The following STAG1 variants were observed in gnomAD, a reference collection of about 807,000 sequenced individuals.
The protein encoded by STAG1 is cohesin subunit SA-1.
STAG1 carries 26 observed loss-of-function variants against 170.9 expected under a neutral mutation model. The ratio of observed to expected loss-of-function variants is 0.15; its 90% confidence interval spans 0.11 to 0.21. The LOEUF (loss-of-function observed/expected upper bound fraction) is 0.21. STAG1 is among the 10% of genes least tolerant of loss of function. The pLI is 1.00. For missense variants in STAG1, 964 were observed against 1,509.5 expected, an observed-to-expected ratio of 0.64 and a Z score of 5.99; for synonymous variants, 514 against 497.7, an observed-to-expected ratio of 1.03 and a Z score of -0.44.
At chr3:136,598,717 G>A (rs1229636228) in intron 4 of STAG1, among the ~76,000 whole-genome samples, 6 of 151,876 alleles carry the variant, frequency 4.0e-5, no homozygotes, top group South Asian at 4.2e-4. Flanking sequence ...GTGAGCCACC[G>A]CGCCCGGCCA....
chr3:136,698,020 G>GAA (rs1367794691), intron 1 of STAG1, among the ~76,000 whole-genome samples: 1 of 144,824 alleles, frequency 6.9e-6, no homozygotes, highest in Non-Finnish European at 1.5e-5. Context: ...TACGTCTTGG[G>GAA]AAAAAAAAAA....
chr3:136,399,930 C>CT lies in STAG1; in HGVS notation c.2197-1102dup, dbSNP rs1187210863. The stretch of plus-strand genomic sequence containing the variant: ...AACTTTCTGAAAAGAAACAAACTTT[C>CT]TTTTTTTTTTGAGACAGGGTCTCAC... On this transcript the variant is annotated intron_variant, in intron 21 of 33. Transcript: ENST00000383202. Among the ~76,000 whole-genome samples, 18 of 149,108 alleles carry CT rather than the reference C, an allele frequency of 1.2e-4. 1 individual carries two copies. The highest frequency in any genetic ancestry group is 6.4e-4 in the South Asian group (3 of 4,676).
In STAG1 at chr3:136,443,295, C is replaced by A; in HGVS notation, c.1538G>T (p.Gly513Val). 6.2e-7 allele frequency: 1 copy of A among 1,608,240 alleles called. No homozygotes were observed. The highest frequency in any genetic ancestry group is 1.3e-5 in the African/African-American group (1 of 74,880). Residue 513 changes from glycine to valine, a missense_variant, in exon 15 of 34, where the codon GGA becomes GTA. By Grantham distance (109) the Gly-to-Val change is moderately radical. Transcript: ENST00000383202. Reference sequence around the variant, plus strand: ...TTGTCAAAATACTATACCTTCCTCTCCTTGAACAGGTTCTTCTAATAGCAA... The same window carrying A: ...TTGTCAAAATACTATACCTTCCTCTACTTGAACAGGTTCTTCTAATAGCAA... ...TELLLEEPVQ[G>V]EEAMSDRQES... is the part of the protein sequence containing the mutation.
chr3:136,629,452 A>G (rs367880601), intron 2 of STAG1, among the ~76,000 whole-genome samples: 1 of 152,098 alleles, frequency 6.6e-6, no homozygotes, highest in East Asian at 1.9e-4. Flanking sequence ...CCAAACTTAA[A>G]TATCATATAA....
At chr3:136,479,060 C>CTTTTTTTTTTTTTTTTTTTTTTTT (rs66966875) in intron 9 of STAG1, among the ~76,000 whole-genome samples, 2 of 125,188 alleles carry the variant, frequency 1.6e-5, no homozygotes, top group Admixed American at 7.7e-5. Context: ...TATAATCTTT[C>CTTTTTTTTTTTTTTTTTTTTTTTT]TTTTTTTTTT....
intron 4 of STAG1, among the ~76,000 whole-genome samples, chr3:136,570,579 G>A (rs1182362268): frequency 2.0e-5 from 3 of 152,140 alleles, no homozygotes; most frequent in African/African-American, 4.8e-5. Context: ...TTACACACAC[G>A]CATCAAGGCT....
intron 13 of STAG1, among the ~76,000 whole-genome samples, chr3:136,461,431 C>T (rs1030267634): frequency 1.3e-5 from 2 of 151,810 alleles, no homozygotes; most frequent in East Asian, 1.9e-4. Context: ...AAACAGACTC[C>T]GCCCAAAAAA....
intron 3 of STAG1, among the ~76,000 whole-genome samples, chr3:136,605,889 AC>A (rs1285942864): frequency 6.6e-6 from 1 of 152,166 alleles, no homozygotes; most frequent in Non-Finnish European, 1.5e-5. Context: ...TTATTATAGT[AC>A]CTGCTCCCTG....
intron 22 of STAG1, among the ~76,000 whole-genome samples, chr3:136,391,622 G>A (rs192975012): frequency 1.4e-4 from 22 of 152,244 alleles, no homozygotes; most frequent in Non-Finnish European, 2.4e-4. Flanking sequence ...TGATCTGCCC[G>A]CCTCGGCCTC....
At chr3:136,383,504 T>A (rs1938090354) in intron 22 of STAG1, among the ~76,000 whole-genome samples, 1 of 152,192 alleles carries the variant, frequency 6.6e-6, no homozygotes, top group Non-Finnish European at 1.5e-5. Context: ...ATGCTTAACT[T>A]ACTTCATTTT....
chr3:136,477,494 T>C (rs2107821663), intron 9 of STAG1, 82 bp from the exon 10 acceptor site: 1 of 1,277,068 alleles, frequency 7.8e-7, no homozygotes, highest in East Asian at 2.5e-5. Flanking sequence ...AAGCAATAAA[T>C]ATTTCTAATG....
chr3:136,678,844 T>A (rs540310842), intron 1 of STAG1, among the ~76,000 whole-genome samples: 1 of 101,354 alleles, frequency 9.9e-6, no homozygotes, highest in Non-Finnish European at 1.9e-5. Flanking sequence ...AAGACCCCCA[T>A]GCTCACAAAA....
intron 7 of STAG1, chr3:136,517,995 A>G (rs1028062030): frequency 1.2e-5 from 2 of 161,874 alleles, no homozygotes; most frequent in Admixed American, 1.3e-4. Context: ...CAATGGAAAA[A>G]TAAGAATATA....
intron 13 of STAG1, among the ~76,000 whole-genome samples, chr3:136,463,447 G>A (rs1285045044): frequency 2.0e-5 from 3 of 152,006 alleles, no homozygotes; most frequent in Non-Finnish European, 4.4e-5. Flanking sequence ...GAAGAAGTTA[G>A]AATACATAAT....
At chr3:136,518,758 A>T (rs1934509328) in intron 7 of STAG1, among the ~76,000 whole-genome samples, 1 of 152,124 alleles carries the variant, frequency 6.6e-6, no homozygotes, top group Non-Finnish European at 1.5e-5. Context: ...TTTTTTTGAT[A>T]TCTGATTTTG....
chr3:136,705,047 T>C (rs1028713767), intron 1 of STAG1, among the ~76,000 whole-genome samples: 2 of 151,864 alleles, frequency 1.3e-5, no homozygotes, highest in Non-Finnish European at 2.9e-5. Context: ...CTTTCAATAA[T>C]GGCTAAAACA....
chr3:136,668,345 T>G (rs2107872676), intron 1 of STAG1, among the ~76,000 whole-genome samples: 1 of 146,442 alleles, frequency 6.8e-6, no homozygotes, highest in East Asian at 2.0e-4. Context: ...TACCATATAT[T>G]ATACATGATA....
At chr3:136,434,056 T>A (rs1341277113) in intron 15 of STAG1, among the ~76,000 whole-genome samples, 2 of 152,164 alleles carry the variant, frequency 1.3e-5, no homozygotes, top group Non-Finnish European at 2.9e-5. Context: ...ACATAATAAT[T>A]ATCTTAATAA....
intron 1 of STAG1, among the ~76,000 whole-genome samples, chr3:136,701,303 ACTC>A (rs1356540174): frequency 3.9e-5 from 6 of 152,156 alleles, no homozygotes; most frequent in Admixed American, 6.6e-5. Context: ...ATATTAAAAT[ACTC>A]CTATTTTTGT....
Sources: allele counts gnomAD v4.1 joint callset (sites outside exome capture counted in the v4.1 genomes callset), GRCh38; gene constraint gnomAD v4.1.1; transcripts MANE v1.5; gene names NCBI Gene and HGNC (gene_info 2026-07-23, HGNC 2026-07-21).